CAPN11: variants seen among roughly 807,000 people sequenced by gnomAD.
CAPN11 encodes the protein calpain-11.
CAPN11 carries 108 observed loss-of-function variants against 105.3 expected under a neutral mutation model. That is an observed-to-expected ratio of 1.03 (90% CI 0.88 to 1.20). The LOEUF (loss-of-function observed/expected upper bound fraction) is 1.20, where lower values mean the gene tolerates loss of function less well. Ranked by LOEUF, CAPN11 falls within the 50% of genes most tolerant of loss-of-function variation. CAPN11 has a pLI of 0.00. For missense variants in CAPN11, 883 were observed against 924.8 expected, an observed-to-expected ratio of 0.95 and a Z score of 0.59; for synonymous variants, 329 against 344.5, an observed-to-expected ratio of 0.96 and a Z score of 0.50.
At chr6:44,172,813 C>CTT (rs1433325111) in intron 5 of CAPN11, 127 bp from the exon 6 acceptor site, 1 of 1,137,698 alleles carries the variant, frequency 8.8e-7, no homozygotes, top group East Asian at 2.6e-5. Flanking sequence ...TTTGGGTTGC[C>CTT]TTTCCCTCTC....
rs752745448 is a variant in CAPN11, at chr6:44,177,385, G to T, written c.1381G>T (p.Ala461Ser). ...CTGGCGGCATGCACGGCAGCAGGGA[G>T]CCCAGCTGCAGACCATTGGCTTTGT... ...KNWRHARQQG[A>S]QLQTIGFVLY... Residue 461 changes from alanine (A) to serine (S), a missense_variant, in exon 12 of 23, where the codon GCC (alanine) becomes TCC (serine). Ala to Ser is a moderately conservative substitution (Grantham distance 99). Transcript: ENST00000398776. 4 of 1,613,672 alleles carry T rather than the reference G, an allele frequency of 2.5e-6. No individual in the cohort carries two copies. The Admixed American group carries it at 6.7e-5, about 27-fold the overall frequency.
intron 13 of CAPN11, 37 bp from the exon 14 acceptor site, chr6:44,179,915 C>T: frequency 1.3e-6 from 2 of 1,521,708 alleles, no homozygotes; most frequent in Non-Finnish European, 1.8e-6. Context: ...CCTAACCTCC[C>T]ATGCCAGTCC....
In CAPN11 at chr6:44,180,047, G is replaced by A. The variant is rs756610874; in HGVS notation, c.1524G>A (p.Val508=). The A allele has an allele frequency of 1.2e-6, 2 of 1,613,516 alleles. No individual in the cohort carries two copies. Among genetic ancestry groups the A allele is most frequent in the South Asian group, 1.1e-5 (1 of 91,062 alleles). The stretch of plus-strand genomic sequence containing the variant: ...AGATCTTCACCAACTCACGGGAGGT[G>A]AGCAGCCAACTCCGGCTGCCTCCGG... ...FSEIFTNSRE[V]SSQLRLPPGE... The change falls in exon 14 of 23, where the codon GTG becomes GTA. Residue 508 remains valine (V), a synonymous_variant. Transcript: ENST00000398776.
At chr6:44,173,116 T>A in intron 6 of CAPN11, 43 bp downstream of exon 6, 1 of 1,607,556 alleles carries the variant, frequency 6.2e-7, no homozygotes, top group Non-Finnish European at 8.5e-7. Context: ...CTTGCCTCTG[T>A]CTGGACAGCT....
chr6:44,169,480 C>T lies in CAPN11; in HGVS notation c.288C>T (p.Asp96=). The T allele has an allele frequency of 6.2e-7, 1 of 1,607,654 alleles. No individual in the cohort carries two copies. The highest frequency in any genetic ancestry group is 2.2e-5 in the East Asian group (1 of 44,688). ...AACCCAGCTCACTGGGCTTCAAGGA[C>T]CTGGGCCCCAACTCCAAAAATGTGC... The part of the protein sequence containing the change: ...PAEPSSLGFK[D]LGPNSKNVQN... The change falls in exon 3 of 23, where the codon GAC becomes GAT. Residue 96 remains aspartate, a synonymous_variant. Coordinates refer to ENST00000398776, the MANE Select transcript of CAPN11 (RefSeq NM_007058.4).
chr6:44,168,325 G>A (rs909010875), intron 2 of CAPN11, among the ~76,000 whole-genome samples: 4 of 151,776 alleles, frequency 2.6e-5, no homozygotes, highest in Non-Finnish European at 4.4e-5. Flanking sequence ...GCTAGAGTTC[G>A]GTGGCACCAT....
chr6:44,169,921 C>G lies in CAPN11; in HGVS notation c.355C>G (p.Pro119Ala). 6.2e-7 allele frequency: 1 copy of G among 1,611,776 alleles called. No homozygotes were observed. The highest frequency in any genetic ancestry group is 8.5e-7 in the Non-Finnish European group (1 of 1,178,788). The change falls in exon 4 of 23, where the codon CCT (proline) becomes GCT (alanine). Residue 119 changes from proline to alanine, a missense_variant. Coordinates refer to ENST00000398776, the MANE Select transcript of CAPN11 (RefSeq NM_007058.4). ...TTCACTGCAGGATATCATAAACAAC[C>G]CTCTATTCATCATGGATGGGATTTC... Reference protein sequence around the residue: ...WQRPKDIINNPLFIMDGISPT... With the variant: ...WQRPKDIINNALFIMDGISPT...
At chr6:44,181,078 C>T (rs1282888105) in intron 18 of CAPN11, 81 bp downstream of exon 18, 7 of 1,323,406 alleles carry the variant, frequency 5.3e-6, no homozygotes, top group African/African-American at 2.9e-5. Context: ...GGGCCAGCCA[C>T]GTCCTCCTCC....
rs745411100 is a variant in CAPN11 at position 44,177,344 on chromosome 6, C to T, written c.1340C>T (p.Ala447Val). ...GTTGTGGTCTGCACCTGCCTGGTGG[C>T]CCTAATGCAGAAGAACTGGCGGCAT... ...GNVVVCTCLVALMQKNWRHAR... is the reference protein window; with the variant it reads ...GNVVVCTCLVVLMQKNWRHAR... The change falls in exon 12 of 23, where the codon GCC (alanine) becomes GTC (valine). Residue 447 changes from alanine (A) to valine (V), a missense_variant. Physicochemically the swap from Ala to Val is moderately conservative, Grantham distance 64 (BLOSUM62 0). Transcript: ENST00000398776. 22 of 1,613,846 alleles carry T rather than the reference C, an allele frequency of 1.4e-5. No homozygotes were observed. Among genetic ancestry groups the T allele is most frequent in the Non-Finnish European group, 1.7e-5 (20 of 1,179,884 alleles).
chr6:44,168,819 C>A, intron 2 of CAPN11: 1 of 330,744 alleles, frequency 3.0e-6, no homozygotes, highest in Non-Finnish European at 6.1e-6. Flanking sequence ...CAGGGTTTCG[C>A]CATGTTGGGC....
In CAPN11 at chr6:44,172,413, A is replaced by C; in HGVS notation, c.521A>C (p.His174Pro). ...AAGAAAAACTATGCTGGCATCTTCCATTTTCAGGTGAAGGACAGTGTGAGA... is the reference window on the plus strand; with the variant it reads ...AAGAAAAACTATGCTGGCATCTTCCCTTTTCAGGTGAAGGACAGTGTGAGA... ...SFKKNYAGIF[H>P]FQIWQFGQWV... is the part of the protein sequence containing the mutation. Residue 174 changes from histidine (H) to proline (P), a missense_variant, in exon 5 of 23, where the codon CAT becomes CCT. Transcript: ENST00000398776. 1 of 1,547,684 alleles carries C rather than the reference A, an allele frequency of 6.5e-7. No individual in the cohort carries two copies. Among genetic ancestry groups the C allele is most frequent in the Non-Finnish European group, 8.7e-7 (1 of 1,142,918 alleles).
At position 44,180,115 on chromosome 6, in the gene CAPN11, A is replaced by G; in HGVS notation, c.1592A>G (p.Asp531Gly). The G allele has an allele frequency of 6.2e-7, 1 of 1,613,242 alleles. No individual in the cohort carries two copies. The highest frequency in any genetic ancestry group is 1.7e-4 in the Middle Eastern group (1 of 5,994). ...IIPSTFEPHRDADFLLRVFTE... is the reference protein window; with the variant it reads ...IIPSTFEPHRGADFLLRVFTE... ...CCCTCCACCTTTGAGCCACACAGAG[A>G]TGCTGACTTCCTGCTTCGGGTCTTC... Residue 531 changes from aspartate to glycine, a missense_variant, in exon 14 of 23, where the codon GAT (aspartate) becomes GGT (glycine). Coordinates refer to ENST00000398776, the MANE Select transcript of CAPN11 (RefSeq NM_007058.4).
chr6:44,169,518 G>C lies in CAPN11; in HGVS notation c.326G>C (p.Trp109Ser). The C allele has an allele frequency of 2.5e-6, 4 of 1,582,186 alleles. No homozygotes were observed. Among genetic ancestry groups the C allele is most frequent in the Non-Finnish European group, 3.4e-6 (4 of 1,164,088 alleles). The change falls in exon 3 of 23, where the codon TGG becomes TCG. Residue 109 changes from tryptophan (W) to serine (S), a missense_variant. Physicochemically the swap from Trp to Ser is radical, Grantham distance 177. Coordinates refer to ENST00000398776, the MANE Select transcript of CAPN11 (RefSeq NM_007058.4). The stretch of plus-strand genomic sequence containing the variant: ...TCCAAAAATGTGCAGAACATCTCCT[G>C]GCAGCGGCCCAAGGTGGGCACTGGA... ...PNSKNVQNIS[W>S]QRPKDIINNP...
chr6:44,181,751 CACAT>C (rs1314077503), intron 19 of CAPN11, among the ~76,000 whole-genome samples: 1 of 38,896 alleles, frequency 2.6e-5, no homozygotes, highest in Non-Finnish European at 5.4e-5. Context: ...CTCACACACA[CACAT>C]ACACACTCAC....
chr6:44,179,488 C>T, intron 12 of CAPN11, 131 bp from the exon 13 acceptor site: 1 of 800,854 alleles, frequency 1.2e-6, no homozygotes, highest in Non-Finnish European at 2.2e-6. Flanking sequence ...CACCAGTATC[C>T]CAGTGCCCTT....
chr6:44,184,049 C>T lies in CAPN11; in HGVS notation c.*117C>T. ...CTCCGGTCTCTGCTGATGAAATGGGCTCCAGGTGGCAGTGCCCGGGTCCCA... is the reference window on the plus strand; with the variant it reads ...CTCCGGTCTCTGCTGATGAAATGGGTTCCAGGTGGCAGTGCCCGGGTCCCA... On this transcript the variant is annotated 3_prime_UTR_variant, in exon 23 of 23. Transcript: ENST00000398776. 1.7e-6 allele frequency: 2 copies of T among 1,184,800 alleles called. No individual in the cohort carries two copies. Among genetic ancestry groups the T allele is most frequent in the East Asian group, 2.6e-5 (1 of 39,000 alleles). The allele number at this position is 1,184,800 out of a possible 1,614,324, so 73.4% of individuals were successfully genotyped here.
Position 44,178,750 on chromosome 6 carries a change from TAAA to T in CAPN11, c.1417-848_1417-846del, listed in dbSNP as rs35225903. On this transcript the variant is annotated intron_variant, in intron 12 of 22. Coordinates refer to ENST00000398776, the MANE Select transcript of CAPN11 (RefSeq NM_007058.4). ...CAACACAGCAAGACCCTGTCTCGAT[TAAA>T]AAAAAAAAAAAAAAAAAAAATTAGC... Among the ~76,000 whole-genome samples the T allele has an allele frequency of 8.8e-3, 1,017 of 116,012 alleles. 13 individuals carry two copies. Among genetic ancestry groups the T allele is most frequent in the African/African-American group, 0.031 (965 of 31,456 alleles). The allele number at this position is 116,012 out of a possible 152,430, so 76.1% of individuals were successfully genotyped here.
chr6:44,163,972 G>A (rs1270338030), intron 1 of CAPN11, among the ~76,000 whole-genome samples: 1 of 152,082 alleles, frequency 6.6e-6, no homozygotes, highest in Non-Finnish European at 1.5e-5. Flanking sequence ...CAAGGAGCTG[G>A]GACCACAGGC....
At chr6:44,180,407 AC>A (rs1772933926) in intron 14 of CAPN11, 52 bp from the exon 15 acceptor site, 3 of 1,587,424 alleles carry the variant, frequency 1.9e-6, no homozygotes, top group Non-Finnish European at 2.6e-6. Flanking sequence ...CCCCACTAAA[AC>A]CCCCACCTCC....
Sources: gnomAD v4.1 joint callset for allele counts (sites outside exome capture counted in the v4.1 genomes callset) on GRCh38, gnomAD v4.1.1 for gene constraint, MANE v1.5 for transcripts, NCBI Gene and HGNC (gene_info 2026-07-23, HGNC 2026-07-21) for gene names.